Variants in SATL1 observed in about 807,000 individuals in gnomAD.
The protein encoded by SATL1 is spermidine/spermine N(1)-acetyltransferase-like protein 1.
In SATL1, 47 loss-of-function variants were observed where a neutral mutation model predicts 51.8. The ratio of observed to expected loss-of-function variants is 0.91; its 90% CI spans 0.72 to 1.16. The LOEUF (loss-of-function observed/expected upper bound fraction) is 1.16, where lower values mean the gene tolerates loss of function less well. Ranked by LOEUF, SATL1 falls within the 50% of genes most tolerant of loss-of-function variation. The probability of loss-of-function intolerance (pLI) is 0.00; values close to 1 mark genes in which losing one functional copy is unlikely to be tolerated. For missense variants in SATL1, 520 were observed against 526.4 expected (o/e 0.99, Z 0.12); for synonymous variants, 176 against 182.4 (o/e 0.97, Z 0.28).
rs368738302 is a variant in SATL1 at position 85,127,802 on chromosome X, C to T, written c.-312-18522G>A. Reference sequence around the variant, plus strand: ...TAATGCTATCCCTCCCCAGTTCCCCCACCCCACGACAGGCCCCAGTGTGTG... The same window carrying T: ...TAATGCTATCCCTCCCCAGTTCCCCTACCCCACGACAGGCCCCAGTGTGTG... On this transcript the variant is annotated intron_variant, in intron 2 of 7. Transcript: ENST00000644105. Among the ~76,000 whole-genome samples the T allele has an allele frequency of 1.1e-4, 12 of 110,562 alleles. No homozygotes were observed. In the East Asian group the frequency reaches 2.3e-3, roughly 21 times the overall value.
chrX:85,192,951 T>C (rs752086262), intron 2 of SATL1, among the ~76,000 whole-genome samples: 22 of 111,858 alleles, frequency 2.0e-4, no homozygotes, highest in Non-Finnish European at 3.4e-4. Flanking sequence ...CTTAAGTGTT[T>C]AACTTCACTC....
At chrX:85,225,577 C>T (rs753582538) in intron 1 of SATL1, among the ~76,000 whole-genome samples, 1 of 111,761 alleles carries the variant, frequency 8.9e-6, no homozygotes, top group South Asian at 3.7e-4. Context: ...TAAGCTAAGT[C>T]GTGAAGAATG....
chrX:85,104,007 C>A (rs1924967532), intron 3 of SATL1, 92 bp from the exon 4 acceptor site: 1 of 647,341 alleles, frequency 1.5e-6, no homozygotes, highest in Admixed American at 2.6e-5. Flanking sequence ...CATTTATTGA[C>A]ATGTGACGTC....
chrX:85,135,161 C>A (rs956996505), intron 2 of SATL1, among the ~76,000 whole-genome samples: 1 of 109,962 alleles, frequency 9.1e-6, no homozygotes, highest in Non-Finnish European at 1.9e-5. Context: ...ACAACACACA[C>A]TGGGGCCTGT....
At chrX:85,143,533 T>A (rs1183751417) in intron 2 of SATL1, 1 of 111,765 alleles carries the variant, frequency 8.9e-6, no homozygotes, top group Non-Finnish European at 1.9e-5. Context: ...TTTATTTCTA[T>A]AGGTTAAAGG....
intron 2 of SATL1, among the ~76,000 whole-genome samples, chrX:85,132,955 C>T (rs762287035): frequency 4.5e-5 from 5 of 111,891 alleles, no homozygotes; most frequent in Non-Finnish European, 9.4e-5. Context: ...CCACTCCAGA[C>T]CCTGTTTGCC....
intron 2 of SATL1, among the ~76,000 whole-genome samples, chrX:85,157,356 A>G (rs146806508): frequency 0.026 from 2,873 of 111,262 alleles, 93 homozygotes; most frequent in African/African-American, 0.089. Context: ...ATTTTTCAAA[A>G]AAGAAGGTTA....
At chrX:85,213,261 T>G (rs746373053) in intron 2 of SATL1, among the ~76,000 whole-genome samples, 4 of 111,925 alleles carry the variant, frequency 3.6e-5, no homozygotes, top group Non-Finnish European at 7.5e-5. Flanking sequence ...ACTGCCATTT[T>G]GTGTTTCAGT....
intron 1 of SATL1, among the ~76,000 whole-genome samples, chrX:85,233,272 AAC>A (rs1425073896): frequency 1.8e-5 from 2 of 112,066 alleles, no homozygotes; most frequent in Non-Finnish European, 3.8e-5. Flanking sequence ...AAAAACTTAG[AAC>A]ACTGAAGTCC....
chrX:85,211,824 T>C (rs753692948), intron 2 of SATL1: 76 of 112,090 alleles, frequency 6.8e-4, no homozygotes, highest in African/African-American at 2.4e-3. Context: ...GTGGTCAATA[T>C]AATATATAAA....
At chrX:85,173,838 A>G (rs951148373) in intron 2 of SATL1, among the ~76,000 whole-genome samples, 2 of 108,893 alleles carry the variant, frequency 1.8e-5, no homozygotes, top group African/African-American at 6.7e-5. Flanking sequence ...TTTGTTACAT[A>G]TGTATACATG....
chrX:85,173,331 A>G (rs1186016822), intron 2 of SATL1, among the ~76,000 whole-genome samples: 4 of 111,505 alleles, frequency 3.6e-5, no homozygotes, highest in African/African-American at 1.3e-4. Flanking sequence ...TCAAGTAAAA[A>G]ATAGGAAAAT....
chrX:85,154,327 A>G (rs755960149), intron 2 of SATL1, among the ~76,000 whole-genome samples: 2 of 111,469 alleles, frequency 1.8e-5, no homozygotes, highest in Admixed American at 9.6e-5. Flanking sequence ...TGCCAGATAA[A>G]TGGAAAGAGG....
At chrX:85,124,554 T>A (rs1384355680) in intron 2 of SATL1, among the ~76,000 whole-genome samples, 2 of 111,563 alleles carry the variant, frequency 1.8e-5, no homozygotes, top group African/African-American at 6.5e-5. Flanking sequence ...TAAACAAATA[T>A]GTACTTAGCA....
chrX:85,157,296 T>A (rs1926621095), intron 2 of SATL1, among the ~76,000 whole-genome samples: 1 of 110,567 alleles, frequency 9.0e-6, no homozygotes, highest in African/African-American at 3.3e-5. Flanking sequence ...GTCAAAAAAA[T>A]TAAATATTGA....
chrX:85,204,011 C>T (rs1175498009), intron 2 of SATL1, among the ~76,000 whole-genome samples: 2 of 112,273 alleles, frequency 1.8e-5, no homozygotes, highest in Non-Finnish European at 3.8e-5. Flanking sequence ...CTTCAAAGGC[C>T]TCCATGCATG....
chrX:85,200,875 T>C (rs1927672860), intron 2 of SATL1, among the ~76,000 whole-genome samples: 1 of 110,667 alleles, frequency 9.0e-6, no homozygotes, highest in African/African-American at 3.3e-5. Flanking sequence ...ATTGAAAAAA[T>C]GTTACATAAA....
At chrX:85,158,410 T>A (rs556366928) in intron 2 of SATL1, among the ~76,000 whole-genome samples, 2 of 112,086 alleles carry the variant, frequency 1.8e-5, no homozygotes, top group East Asian at 5.6e-4. Flanking sequence ...ATACATTCTG[T>A]AAATCTTTGA....
intron 1 of SATL1, among the ~76,000 whole-genome samples, chrX:85,240,666 T>G (rs191615891): frequency 2.7e-5 from 3 of 111,756 alleles, no homozygotes; most frequent in East Asian, 5.6e-4. Context: ...GAGGTTTCAT[T>G]CTTTGGGAGT....
Sources: allele counts gnomAD v4.1 joint callset (sites outside exome capture counted in the v4.1 genomes callset), GRCh38; gene constraint gnomAD v4.1.1; transcripts MANE v1.5; gene names NCBI Gene and HGNC (gene_info 2026-07-23, HGNC 2026-07-21).